FBN3: variants seen among roughly 807,000 people sequenced by gnomAD.
The protein encoded by FBN3 is fibrillin-3.
A neutral mutation model predicts 330.1 loss-of-function variants in FBN3; 234 were observed. That is an observed-to-expected ratio of 0.71 (90% CI 0.64 to 0.79). The LOEUF is 0.79. Ranked by LOEUF, FBN3 falls within the 30% of genes least tolerant of loss-of-function variation. The pLI, the probability that FBN3 is intolerant of heterozygous loss-of-function variation, is 0.00. For missense variants in FBN3, 3,606 were observed against 3,886.9 expected, an observed-to-expected ratio of 0.93 and a Z score of 1.92; for synonymous variants, 1,458 against 1,517.3, an observed-to-expected ratio of 0.96 and a Z score of 0.91.
chr19:8,097,061 A>T (rs2082226607), intron 42 of FBN3, 55 bp from the exon 43 acceptor site: 1 of 1,589,214 alleles, frequency 6.3e-7, no homozygotes, highest in Admixed American at 1.7e-5. Flanking sequence ...TCCTGACAGA[A>T]TCAAACGTGA....
intron 50 of FBN3, 47 bp downstream of exon 50, chr19:8,089,847 T>G: frequency 6.4e-7 from 1 of 1,558,184 alleles, no homozygotes; most frequent in Non-Finnish European, 8.7e-7. Flanking sequence ...CGGAGATGGA[T>G]CTGGGTGGCC....
At chr19:8,088,599 A>T (rs1051838650) in intron 51 of FBN3, among the ~76,000 whole-genome samples, 6 of 152,222 alleles carry the variant, frequency 3.9e-5, no homozygotes, top group Admixed American at 3.9e-4. Context: ...GAGTGAGTAA[A>T]GGGGTGAATG....
intron 18 of FBN3, among the ~76,000 whole-genome samples, chr19:8,127,896 T>C (rs1160816373): frequency 6.6e-6 from 1 of 152,070 alleles, no homozygotes; most frequent in Non-Finnish European, 1.5e-5. Flanking sequence ...CAGGATAATC[T>C]CTTAAACGGC....
chr19:8,141,449 C>G (rs1040622266), intron 8 of FBN3, among the ~76,000 whole-genome samples: 1 of 152,070 alleles, frequency 6.6e-6, no homozygotes, highest in South Asian at 2.1e-4. Context: ...TCCAGCCCCT[C>G]GGTTCACTCA....
At position 8,146,267 on chromosome 19, in the gene FBN3, C is replaced by T. The variant is rs8108323; in HGVS notation, c.251-42G>A. 2.1e-3 allele frequency: 3,177 copies of T among 1,516,668 alleles called. 54 individuals are homozygous for T. In the African/African-American group the frequency reaches 0.037, roughly 18 times the overall value. The allele number at this position is 1,516,668 out of a possible 1,614,324, so 94.0% of individuals were successfully genotyped here. ...GGTGGCAGTCAAGACCAGGACCGAG[C>T]CTGGGCCGTCCCTGCTCCATTGGTG... is the stretch of plus-strand genomic sequence containing the variant. On this transcript the variant is annotated intron_variant, in intron 3 of 63. Coordinates refer to ENST00000600128, the MANE Select transcript of FBN3 (RefSeq NM_032447.5).
At chr19:8,086,120 A>ACCAGGCAGTGGGGGGGG (rs1246156697) in intron 55 of FBN3, 80 bp downstream of exon 55, 3 of 782,638 alleles carry the variant, frequency 3.8e-6, no homozygotes, top group East Asian at 1.4e-4. Context: ...CAGTGGGGGG[A>ACCAGGCAGTGGGGGGGG]ACAGGCAGTG....
chr19:8,109,164 C>T lies in FBN3; in HGVS notation c.4618+63G>A, dbSNP rs1003001879. 1.1e-4 allele frequency: 165 copies of T among 1,525,140 alleles called. No homozygotes were observed. Among genetic ancestry groups the T allele is most frequent in the South Asian group, 2.2e-4 (18 of 82,928 alleles). The allele number at this position is 1,525,140 out of a possible 1,614,324, so 94.5% of individuals were successfully genotyped here. Reference sequence around the variant, plus strand: ...CACCACCGCCATTAGCAGAGGTGACCCCCTAAGCTCCCGGGCCTCGGTGGC... The same window carrying T: ...CACCACCGCCATTAGCAGAGGTGACTCCCTAAGCTCCCGGGCCTCGGTGGC... On this transcript the variant is annotated intron_variant, in intron 36 of 63. Coordinates refer to ENST00000600128, the MANE Select transcript of FBN3 (RefSeq NM_032447.5). This position sits in a 1 kb window ranked among gnomAD's most constrained non-coding sequence, Gnocchi z 5.2.
intron 6 of FBN3, among the ~76,000 whole-genome samples, chr19:8,143,819 C>CTTT (rs1225164430): frequency 2.8e-4 from 33 of 117,648 alleles, no homozygotes; most frequent in Middle Eastern, 4.1e-3. Context: ...TTCTTTCTTT[C>CTTT]TTTTTTTTTT....
chr19:8,121,454 G>C lies in FBN3; in HGVS notation c.3083-68C>G. ...GCATCATGGGGCACGAGGCAGGGGG[G>C]TCCCTGTCCTTTGATGGAGGTGTGG... is the stretch of plus-strand genomic sequence containing the variant. On this transcript the variant is annotated intron_variant, in intron 24 of 63. Transcript: ENST00000600128. This position sits in a 1 kb window ranked among gnomAD's most constrained non-coding sequence, Gnocchi z 4.5. 6.9e-7 allele frequency: 1 copy of C among 1,450,884 alleles called. No homozygotes were observed. The highest frequency in any genetic ancestry group is 9.2e-7 in the Non-Finnish European group (1 of 1,085,868). 89.9% of individuals were successfully genotyped at this position (1,450,884 alleles called of 1,614,324 possible). A position where few individuals can be genotyped will look rare whatever the true frequency, so the allele number is the denominator to read the frequency against.
chr19:8,136,395 C>T lies in FBN3; in HGVS notation c.1338G>A (p.Glu446=), dbSNP rs75077069. 9.6e-3 allele frequency: 15,415 copies of T among 1,613,802 alleles called. 355 individuals are homozygous for T. Among genetic ancestry groups the T allele is most frequent in the East Asian group, 0.075 (3,351 of 44,868 alleles). The change falls in exon 11 of 64, where the codon GAG becomes GAA. Residue 446 remains glutamate, a synonymous_variant. Coordinates refer to ENST00000600128, the MANE Select transcript of FBN3 (RefSeq NM_032447.5). ...NVGYTQDVRG[E]CIDVDECTSS... is the part of the protein sequence containing the mutation. The stretch of plus-strand genomic sequence containing the variant: ...CACCTGGCCGCGGCTCACCAATGCA[C>T]TCGCCGCGCACGTCCTGGGTGTAGC...
chr19:8,099,024 C>T (rs923415674), intron 41 of FBN3, among the ~76,000 whole-genome samples: 2 of 152,006 alleles, frequency 1.3e-5, no homozygotes, highest in African/African-American at 2.4e-5. Flanking sequence ...GTAACCTGGC[C>T]GGTTCTTCAA....
At position 8,109,751 on chromosome 19, in the gene FBN3, T is replaced by C. The variant is rs1445304474; in HGVS notation, c.4336A>G (p.Ile1446Val). 2 of 1,512,006 alleles carry C rather than the reference T, an allele frequency of 1.3e-6. No homozygotes were observed. Among genetic ancestry groups the C allele is most frequent in the Non-Finnish European group, 1.8e-6 (2 of 1,129,966 alleles). 93.7% of individuals were successfully genotyped at this position (1,512,006 alleles called of 1,614,324 possible). The part of the protein sequence containing the change: ...LDRGGGNCTD[I>V]NECADPVNCI... The stretch of plus-strand genomic sequence containing the variant: ...TTTACTGGGTCTGCACACTCGTTGA[T>C]GTCTGTAGGGAGGAAGCGCGGTCCT... The change falls in exon 35 of 64, where the codon ATC becomes GTC. Residue 1446 changes from isoleucine to valine, a missense_variant and splice_region_variant. Coordinates refer to ENST00000600128, the MANE Select transcript of FBN3 (RefSeq NM_032447.5). This position sits in a 1 kb window ranked among gnomAD's most constrained non-coding sequence, Gnocchi z 5.2.
Position 8,096,631 on chromosome 19 carries a change from C to T in FBN3, c.5414-62G>A. The T allele has an allele frequency of 6.5e-7, 1 of 1,540,210 alleles. No homozygotes were observed. The highest frequency in any genetic ancestry group is 8.7e-7 in the Non-Finnish European group (1 of 1,145,542). On this transcript the variant is annotated intron_variant, in intron 43 of 63. Transcript: ENST00000600128. The surrounding 1 kb of genome is among the most constrained non-coding windows in gnomAD (Gnocchi z 4.6). ...TACCACAGTGTTTGCCTGAGCTCTC[C>T]CTACTGCAATGGGGAAGCCAGAATC...
At chr19:8,112,959 T>G (rs977234101) in intron 30 of FBN3, among the ~76,000 whole-genome samples, 1 of 152,224 alleles carries the variant, frequency 6.6e-6, no homozygotes, top group African/African-American at 2.4e-5. Context: ...AAAATAACCA[T>G]GTAACTGGAG....
At chr19:8,126,667 T>G (rs757102387) in intron 19 of FBN3, 46 bp downstream of exon 19, 2 of 1,590,722 alleles carry the variant, frequency 1.3e-6, no homozygotes, top group Admixed American at 3.4e-5. Context: ...CCCTGACCCA[T>G]AGACGCCCAG....
intron 1 of FBN3, chr19:8,147,762 AGGGCCAGGTG>A (rs1198070834): frequency 8.2e-5 from 29 of 352,286 alleles, no homozygotes; most frequent in Admixed American, 4.9e-4. Context: ...GAGGGGAGAG[AGGGCCAGGTG>A]GGGCCAGGTG....
chr19:8,109,687 T>C lies in FBN3; in HGVS notation c.4400A>G (p.Tyr1467Cys). The C allele has an allele frequency of 6.4e-7, 1 of 1,567,496 alleles. No individual in the cohort carries two copies. Among genetic ancestry groups the C allele is most frequent in the Non-Finnish European group, 8.6e-7 (1 of 1,158,470 alleles). ...AAAATCCTGGGGGCAGCTGCAGAGG[T>C]AGCTGCCGGGGGTGTTAATGCACAC... ...NGVCINTPGS[Y>C]LCSCPQDFEL... The change falls in exon 35 of 64, where the codon TAC (tyrosine) becomes TGC (cysteine). Residue 1467 changes from tyrosine (Y) to cysteine (C), a missense_variant. Transcript: ENST00000600128. The surrounding 1 kb of genome is among the most constrained non-coding windows in gnomAD (Gnocchi z 5.2).
intron 57 of FBN3, among the ~76,000 whole-genome samples, chr19:8,082,358 TC>T (rs1476919916): frequency 2.3e-5 from 3 of 127,726 alleles, no homozygotes; most frequent in African/African-American, 9.5e-5. Context: ...TGTCTCTCTC[TC>T]TTTCTTTTTT....
Position 8,088,190 on chromosome 19 carries a change from G to C in FBN3, c.6377-11C>G. The stretch of plus-strand genomic sequence containing the variant: ...AGCACTCGTCTGTGTCTGGGTGGGA[G>C]TAAGGGGGTGGTCAGCACCTGCAGA... On this transcript the variant is annotated splice_polypyrimidine_tract_variant and intron_variant, in intron 51 of 63. Coordinates refer to ENST00000600128, the MANE Select transcript of FBN3 (RefSeq NM_032447.5). 1 of 1,581,562 alleles carries C rather than the reference G, an allele frequency of 6.3e-7. No homozygotes were observed. Among genetic ancestry groups the C allele is most frequent in the South Asian group, 1.2e-5 (1 of 86,106 alleles).
Sources: allele counts gnomAD v4.1 joint callset (sites outside exome capture counted in the v4.1 genomes callset), GRCh38; gene constraint gnomAD v4.1.1; non-coding constraint Gnocchi (gnomAD v3.1); transcripts MANE v1.5; gene names NCBI Gene and HGNC (gene_info 2026-07-23, HGNC 2026-07-21).